The following SLC22A25 variants were observed in gnomAD, a reference collection of about 807,000 sequenced individuals.
SLC22A25 encodes the protein MGI:2442751, MGI:2385316, MGI:3042283, MGI:3645714, MGI:3605624, MGI:2442750.
A neutral mutation model predicts 45.9 loss-of-function variants in SLC22A25; 44 were observed. That is an observed-to-expected ratio of 0.96 (90% CI 0.75 to 1.23). SLC22A25 has a LOEUF of 1.23. Ranked by LOEUF, SLC22A25 falls within the 50% of genes most tolerant of loss-of-function variation. SLC22A25 has a pLI of 0.00. For missense variants in SLC22A25, 800 were observed against 666.4 expected (o/e 1.20, Z -2.21); for synonymous variants, 283 against 238.6 (o/e 1.19, Z -1.72).
At position 63,243,171 on chromosome 11, in the gene SLC22A25, C is replaced by A. The variant is rs2090278795; in HGVS notation, c.-996+263G>T. ...TCCAAGTTGACCGTGTCCTGAAGAACCTGCTTGCTATCAAGAAGCGCTACC... is the reference window on the plus strand; with the variant it reads ...TCCAAGTTGACCGTGTCCTGAAGAAACTGCTTGCTATCAAGAAGCGCTACC... On this transcript the variant is annotated intron_variant, in intron 1 of 11. Coordinates refer to ENST00000306494, the MANE Select transcript of SLC22A25 (RefSeq NM_199352.6). 3.4e-5 allele frequency: 7 copies of A among 208,068 alleles called. No individual in the cohort carries two copies. In the South Asian group the frequency reaches 5.1e-4, roughly 15 times the overall value. The allele number at this position is 208,068 out of a possible 1,614,324, so 12.9% of individuals were successfully genotyped here.
intron 7 of SLC22A25, among the ~76,000 whole-genome samples, chr11:63,190,374 G>T (rs978074472): frequency 6.6e-6 from 1 of 151,922 alleles, no homozygotes; most frequent in Admixed American, 6.6e-5. Flanking sequence ...TGTAGTTCTC[G>T]TGTCGTGGTT....
chr11:63,189,747 C>G (rs886886245), intron 7 of SLC22A25, among the ~76,000 whole-genome samples: 1 of 152,154 alleles, frequency 6.6e-6, no homozygotes, highest in African/African-American at 2.4e-5. Flanking sequence ...CTAATGGTGA[C>G]AAAATCTCTC....
At position 63,161,124 on chromosome 11, in the gene SLC22A25, A is replaced by G. The variant is rs2087529851; in HGVS notation, c.*2700T>C. 6.6e-6 allele frequency among the ~76,000 whole-genome samples: 1 copy of G among 152,150 alleles called. No individual in the cohort carries two copies. The highest frequency in any genetic ancestry group is 2.1e-4 in the South Asian group (1 of 4,820). On this transcript the variant is annotated 3_prime_UTR_variant, in exon 12 of 12. Transcript: ENST00000306494. ...ACAATCATGGTGGAAGACGATTCCC[A>G]TGTAGTCAGTGCCTTTTATCTAGGT...
chr11:63,238,872 GT>G lies in SLC22A25; in HGVS notation c.-733del. On this transcript the variant is annotated 5_prime_UTR_variant, in exon 2 of 12. The change abolishes the stop of an existing upstream ORF in the 5' untranslated region. Transcript: ENST00000306494. ...AGTGACAACGTTTCTGTGGCCTCAG[GT>G]TTGAGTCCAGTGAGATAGAGATTCT... 4.1e-6 allele frequency: 1 copy of G among 245,420 alleles called. No individual in the cohort carries two copies. The allele number at this position is 245,420 out of a possible 1,614,324, so 15.2% of individuals were successfully genotyped here.
intron 7 of SLC22A25, among the ~76,000 whole-genome samples, chr11:63,186,948 C>G (rs1004777308): frequency 6.6e-5 from 10 of 152,074 alleles, no homozygotes; most frequent in African/African-American, 2.4e-4. Flanking sequence ...GTGACTGTAG[C>G]CTTGTAGTAG....
chr11:63,227,444 GA>G (rs2089984427), intron 5 of SLC22A25, among the ~76,000 whole-genome samples: 1 of 152,064 alleles, frequency 6.6e-6, no homozygotes, highest in South Asian at 2.1e-4. Context: ...TGTCATCCAG[GA>G]GTTAGGTCCT....
intron 11 of SLC22A25, 115 bp downstream of exon 11, chr11:63,164,409 CTA>C (rs1403479060): frequency 1.1e-6 from 1 of 919,244 alleles, no homozygotes; most frequent in African/African-American, 1.7e-5. Context: ...GTTTTTATGA[CTA>C]TTACATTTGA....
At position 63,162,470 on chromosome 11, in the gene SLC22A25, C is replaced by G. The variant is rs1281285222; in HGVS notation, c.*1354G>C. On this transcript the variant is annotated 3_prime_UTR_variant, in exon 12 of 12. Transcript: ENST00000306494. ...ATGGTGAGAGAGTTCTAGTTTTATTCTTCTGCATATGGATATCCAGTTTTG... is the reference window on the plus strand; with the variant it reads ...ATGGTGAGAGAGTTCTAGTTTTATTGTTCTGCATATGGATATCCAGTTTTG... Among the ~76,000 whole-genome samples the G allele has an allele frequency of 6.6e-6, 1 of 152,062 alleles. No homozygotes were observed.
At chr11:63,201,365 T>C (rs2134778888) in intron 7 of SLC22A25, among the ~76,000 whole-genome samples, 1 of 151,988 alleles carries the variant, frequency 6.6e-6, no homozygotes, top group East Asian at 1.9e-4. Context: ...CACCTACAAC[T>C]CTCTGATCTT....
chr11:63,197,994 T>C (rs561903109), intron 7 of SLC22A25, among the ~76,000 whole-genome samples: 2 of 152,292 alleles, frequency 1.3e-5, no homozygotes, highest in East Asian at 3.9e-4. Context: ...TCACTGGCCA[T>C]CAGAGAAATG....
At chr11:63,165,705 G>A (rs2087656019) in intron 10 of SLC22A25, among the ~76,000 whole-genome samples, 1 of 152,162 alleles carries the variant, frequency 6.6e-6, no homozygotes, top group Non-Finnish European at 1.5e-5. Context: ...GGGATACAAA[G>A]GCCCAGCACC....
At chr11:63,224,691 C>G (rs985094988) in intron 5 of SLC22A25, among the ~76,000 whole-genome samples, 7 of 152,282 alleles carry the variant, frequency 4.6e-5, no homozygotes, top group Middle Eastern at 6.8e-3. Context: ...ATTGCATAAA[C>G]ATGAAAAACA....
intron 6 of SLC22A25, 30 bp from the exon 7 acceptor site, chr11:63,217,512 T>C (rs773098147): frequency 1.2e-6 from 2 of 1,611,822 alleles, no homozygotes; most frequent in Non-Finnish European, 1.7e-6. Context: ...AGATTTAGCT[T>C]TAAATACAGG....
Position 63,213,579 on chromosome 11 carries a change from C to T in SLC22A25, c.830+3735G>A, listed in dbSNP as rs145181158. ...CACCTTAATGGAGCCAAGAGGACAT[C>T]GTTGGCTGTCCAATTCTAGAATGCT... On this transcript the variant is annotated intron_variant, in intron 7 of 11. Coordinates refer to ENST00000306494, the MANE Select transcript of SLC22A25 (RefSeq NM_199352.6). 5.8e-4 allele frequency among the ~76,000 whole-genome samples: 88 copies of T among 152,292 alleles called. No individual in the cohort carries two copies. In the Middle Eastern group the frequency reaches 0.01, roughly 18 times the overall value.
At chr11:63,183,914 C>T in intron 7 of SLC22A25, 97 bp from the exon 8 acceptor site, 1 of 1,522,626 alleles carries the variant, frequency 6.6e-7, no homozygotes, top group Admixed American at 1.8e-5. Context: ...TAAGCTAATA[C>T]CCACCTCTTG....
At chr11:63,243,409 G>A (rs1010164948) in intron 1 of SLC22A25, 25 bp downstream of exon 1, 1 of 720,208 alleles carries the variant, frequency 1.4e-6, no homozygotes, top group Non-Finnish European at 2.6e-6. Context: ...GTGAAGAAAA[G>A]GTTTTCCCTC....
chr11:63,195,270 G>C (rs2088978855), intron 7 of SLC22A25, among the ~76,000 whole-genome samples: 1 of 152,100 alleles, frequency 6.6e-6, no homozygotes, highest in South Asian at 2.1e-4. Flanking sequence ...GACATCTACA[G>C]AACTCTCCAC....
At chr11:63,199,571 C>T (rs2089173278) in intron 7 of SLC22A25, among the ~76,000 whole-genome samples, 2 of 152,100 alleles carry the variant, frequency 1.3e-5, no homozygotes, top group South Asian at 4.2e-4. Context: ...CCTCACTTAG[C>T]TGCCCTCACT....
intron 7 of SLC22A25, among the ~76,000 whole-genome samples, chr11:63,196,633 A>G (rs2089043514): frequency 1.3e-5 from 2 of 152,176 alleles, no homozygotes; most frequent in Non-Finnish European, 2.9e-5. Flanking sequence ...TTTATGACAA[A>G]CCCACATCCA....
Sources: allele counts gnomAD v4.1 joint callset (sites outside exome capture counted in the v4.1 genomes callset), GRCh38; gene constraint gnomAD v4.1.1; transcripts MANE v1.5; gene names NCBI Gene and HGNC (gene_info 2026-07-23, HGNC 2026-07-21).